Variants in DMD observed in about 807,000 individuals in gnomAD.
DMD encodes dystrophin, also known as mutant dystrophin.
Under a neutral mutation model 330.1 loss-of-function variants are expected in DMD, and 63 were observed. The ratio of observed to expected loss-of-function variants is 0.19; its 90% CI spans 0.16 to 0.24. The LOEUF (loss-of-function observed/expected upper bound fraction) is 0.24. DMD is among the 10% of genes least tolerant of loss of function. The probability of loss-of-function intolerance (pLI) is 1.00; values close to 1 mark genes in which losing one functional copy is unlikely to be tolerated. For synonymous variants in DMD, 1,223 were observed against 959.8 expected, an observed-to-expected ratio of 1.27 and a Z score of -5.07; for missense variants, 3,344 against 2,684.1, an observed-to-expected ratio of 1.25 and a Z score of -5.43.
intron 55 of DMD, among the ~76,000 whole-genome samples, chrX:31,514,211 A>G (rs1056953289): frequency 8.9e-6 from 1 of 112,095 alleles, no homozygotes. Context: ...GTAATTGAGA[A>G]AATGGGTGCA....
At chrX:32,781,347 TATCAATGATACA>T (rs1381004623) in intron 7 of DMD, among the ~76,000 whole-genome samples, 1 of 111,350 alleles carries the variant, frequency 9.0e-6, no homozygotes, top group Non-Finnish European at 1.9e-5. Flanking sequence ...TTGGATTAAA[TATCAATGATACA>T]ATCAAAGTGA....
intron 67 of DMD, 56 bp from the exon 68 acceptor site, chrX:31,182,960 A>T: frequency 9.9e-7 from 1 of 1,008,871 alleles, no homozygotes; most frequent in Non-Finnish European, 1.4e-6. Flanking sequence ...GAAAGAAGGC[A>T]AGATGGCAAA....
intron 29 of DMD, among the ~76,000 whole-genome samples, chrX:32,415,087 C>T (rs1047519681): frequency 1.8e-5 from 2 of 111,624 alleles, no homozygotes; most frequent in Non-Finnish European, 3.8e-5. Context: ...CCAATCACAG[C>T]GTGTAATAAT....
intron 62 of DMD, among the ~76,000 whole-genome samples, chrX:31,267,529 A>C (rs1404334717): frequency 8.9e-6 from 1 of 112,094 alleles, no homozygotes; most frequent in African/African-American, 3.2e-5. Flanking sequence ...CTTAGAAATG[A>C]AAATTCCCTG....
chrX:32,103,857 C>A (rs1251889116), intron 44 of DMD, among the ~76,000 whole-genome samples: 1 of 111,525 alleles, frequency 9.0e-6, no homozygotes. Context: ...AACCTTTTTT[C>A]CCCCCAGTGG....
At chrX:32,715,910 G>C (rs781451459) in intron 7 of DMD, among the ~76,000 whole-genome samples, 1 of 111,838 alleles carries the variant, frequency 8.9e-6, no homozygotes, top group Admixed American at 9.5e-5. Flanking sequence ...GATCTCACTT[G>C]TTTGTGGAAA....
chrX:32,574,971 C>A, intron 13 of DMD, among the ~76,000 whole-genome samples: 1 of 109,235 alleles, frequency 9.2e-6, no homozygotes, highest in East Asian at 2.9e-4. Flanking sequence ...TATCTCAGCT[C>A]ACTGCAACCT....
intron 44 of DMD, among the ~76,000 whole-genome samples, chrX:32,154,855 GA>G (rs201219325): frequency 0.1 from 9,966 of 98,174 alleles, 1,025 homozygotes; most frequent in African/African-American, 0.3. Context: ...CACAAGCTTT[GA>G]AAAAAAAAAA....
At chrX:32,276,963 GAAGAA>G (rs1046419701) in intron 43 of DMD, among the ~76,000 whole-genome samples, 14 of 109,878 alleles carry the variant, frequency 1.3e-4, no homozygotes, top group African/African-American at 4.0e-4. Flanking sequence ...AAAAGAGAGA[GAAGAA>G]AAGAAAAGAA....
chrX:31,913,604 G>A (rs1355232261), intron 47 of DMD, among the ~76,000 whole-genome samples: 3 of 111,340 alleles, frequency 2.7e-5, no homozygotes, highest in African/African-American at 9.8e-5. Flanking sequence ...AAACAATTAT[G>A]TAAATTATTA....
In DMD at chrX:31,120,167, G is replaced by A. The variant is rs1006021636; in HGVS notation, c.*1752C>T. 9.0e-6 allele frequency: 1 copy of A among 111,137 alleles called. No homozygotes were observed. The highest frequency in any genetic ancestry group is 3.3e-5 in the African/African-American group (1 of 30,689). The allele number at this position is 111,137 out of a possible 1,213,427, so 9.2% of individuals were successfully genotyped here. On this transcript the variant is annotated 3_prime_UTR_variant, in exon 79 of 79. Coordinates refer to ENST00000357033, the MANE Select transcript of DMD (RefSeq NM_004006.3). ...ACACGGTGGTATCTATTGAATGAAT[G>A]ATTTAAAAATCAAAAAGAAATAAAA...
Position 31,366,787 on chromosome X carries a change from C to CT in DMD, c.9085-18154dup, listed in dbSNP as rs779852723. Among the ~76,000 whole-genome samples the CT allele has an allele frequency of 4.9e-3, 530 of 107,461 alleles. 4 individuals carry two copies. Among genetic ancestry groups the CT allele is most frequent in the African/African-American group, 0.016 (470 of 29,499 alleles). The allele number at this position is 107,461 out of a possible 115,157, so 93.3% of individuals were successfully genotyped here. A position where few individuals can be genotyped will look rare whatever the true frequency, so the allele number is the denominator to read the frequency against. On this transcript the variant is annotated intron_variant, in intron 60 of 78. Transcript: ENST00000357033. ...TGTCCCCTTCAATGTCCTTTTGTAT[C>CT]TTTTTTTTTAGCATTTTAGTCTATT...
intron 60 of DMD, among the ~76,000 whole-genome samples, chrX:31,373,434 A>G (rs1361825630): frequency 2.1e-5 from 2 of 93,561 alleles, no homozygotes; most frequent in Non-Finnish European, 4.3e-5. Flanking sequence ...ACAAGGCTAC[A>G]GGAAGCAAAA....
chrX:33,324,704 G>C lies in DMD; in HGVS notation c.7+14555C>G, dbSNP rs143800820. 3.9e-3 allele frequency among the ~76,000 whole-genome samples: 435 copies of C among 111,047 alleles called. 3 individuals are homozygous for C. The highest frequency in any genetic ancestry group is 5.1e-3 in the Non-Finnish European group (271 of 52,936). On this transcript the variant is annotated intron_variant, in intron 1 of 17. Transcript: ENST00000288447. ...TTCTCTTATTCTCCCACACACTTTT[G>C]ACCTGCATTTATTCTCTATCTTTGT... is the stretch of plus-strand genomic sequence containing the variant.
At chrX:32,331,785 A>G (rs1389879660) in intron 41 of DMD, among the ~76,000 whole-genome samples, 1 of 111,905 alleles carries the variant, frequency 8.9e-6, no homozygotes, top group Non-Finnish European at 1.9e-5. Context: ...GAAGCCAGTC[A>G]TTTGAGACAA....
At chrX:31,210,776 TA>T (rs2044586105) in intron 64 of DMD, among the ~76,000 whole-genome samples, 1 of 112,426 alleles carries the variant, frequency 8.9e-6, no homozygotes, top group South Asian at 3.7e-4. Context: ...AATGCAAACT[TA>T]AGGCTTTAGT....
chrX:32,252,782 A>ATT (rs34705225), intron 43 of DMD, among the ~76,000 whole-genome samples: 1 of 66,604 alleles, frequency 1.5e-5, no homozygotes. Context: ...AAATATATAT[A>ATT]AATATATATA....
At chrX:33,206,570 C>A (rs59232761) in intron 1 of DMD, among the ~76,000 whole-genome samples, 1,220 of 111,590 alleles carry the variant, frequency 0.011, 15 homozygotes, top group African/African-American at 0.038. Context: ...CTACTAAGAA[C>A]ATTGGTTTTC....
At chrX:33,063,874 C>G (rs149847773) in intron 1 of DMD, among the ~76,000 whole-genome samples, 134 of 111,948 alleles carry the variant, frequency 1.2e-3, no homozygotes, top group African/African-American at 4.2e-3. Flanking sequence ...TTCATGTACT[C>G]TCATACTTTC....
Sources: gnomAD v4.1 joint callset for allele counts (sites outside exome capture counted in the v4.1 genomes callset) on GRCh38, gnomAD v4.1.1 for gene constraint, MANE v1.5 for transcripts, NCBI Gene and HGNC (gene_info 2026-07-23, HGNC 2026-07-21) for gene names.